The following SUGCT variants were observed in gnomAD, a reference collection of about 807,000 sequenced individuals.
SUGCT encodes succinyl-CoA:glutarate CoA-transferase.
A neutral mutation model predicts 55.0 loss-of-function variants in SUGCT; 41 were observed. The observed-to-expected ratio is 0.74, with a 90% CI of 0.58 to 0.97. The LOEUF (loss-of-function observed/expected upper bound fraction) is 0.97. SUGCT is among the 50% of genes least tolerant of loss of function. SUGCT has a pLI of 0.00. For synonymous variants in SUGCT, 187 were observed against 200.4 expected (o/e 0.93, Z 0.56); for missense variants, 568 against 547.8 (o/e 1.04, Z -0.37).
intron 12 of SUGCT, among the ~76,000 whole-genome samples, chr7:40,648,408 A>C (rs1562924687): frequency 6.6e-6 from 1 of 152,168 alleles, no homozygotes; most frequent in Non-Finnish European, 1.5e-5. Flanking sequence ...ATTGTCATAT[A>C]TTTAAATTGC....
chr7:40,993,480 C>T, the SUGCT span, among the ~76,000 whole-genome samples: 1 of 152,150 alleles, frequency 6.6e-6, no homozygotes, highest in Non-Finnish European at 1.5e-5. Flanking sequence ...GAGAGCTTCT[C>T]AGAGGGAAGA....
At chr7:40,997,378 C>T in the SUGCT span, among the ~76,000 whole-genome samples, 1 of 152,152 alleles carries the variant, frequency 6.6e-6, no homozygotes, top group African/African-American at 2.4e-5. Flanking sequence ...AGCAGCCCCG[C>T]TGTCAGCTCC....
the SUGCT span, among the ~76,000 whole-genome samples, chr7:40,933,011 C>T: frequency 1.3e-5 from 2 of 152,126 alleles, no homozygotes; most frequent in East Asian, 3.9e-4. Context: ...TTAATTGATG[C>T]AGTTTCTTCC....
At chr7:40,298,773 G>C (rs888445238) in intron 8 of SUGCT, among the ~76,000 whole-genome samples, 1 of 151,204 alleles carries the variant, frequency 6.6e-6, no homozygotes, top group Non-Finnish European at 1.5e-5. Flanking sequence ...CAAGAGTTCC[G>C]TCAAATATCT....
chr7:40,169,752 T>TA (rs980504459), intron 1 of SUGCT, among the ~76,000 whole-genome samples: 9 of 152,008 alleles, frequency 5.9e-5, no homozygotes, highest in Non-Finnish European at 8.8e-5. Flanking sequence ...TTTTTTTTTT[T>TA]ATCCCATTTG....
chr7:40,573,363 T>C (rs1465144701), intron 12 of SUGCT, among the ~76,000 whole-genome samples: 1 of 152,202 alleles, frequency 6.6e-6, no homozygotes, highest in Non-Finnish European at 1.5e-5. Context: ...TTGAATCATT[T>C]AGTATCAGGG....
chr7:40,395,186 T>C (rs1056347488), intron 9 of SUGCT, among the ~76,000 whole-genome samples: 1 of 152,112 alleles, frequency 6.6e-6, no homozygotes, highest in Non-Finnish European at 1.5e-5. Context: ...ACCTGGGAGC[T>C]AATTAGAAAT....
At chr7:40,675,083 C>T (rs1404673108) in intron 12 of SUGCT, among the ~76,000 whole-genome samples, 1 of 140,230 alleles carries the variant, frequency 7.1e-6, no homozygotes, top group African/African-American at 2.7e-5. Context: ...TTTTTTGAGA[C>T]AGAGTTTCAC....
intron 9 of SUGCT, among the ~76,000 whole-genome samples, chr7:40,340,507 T>G (rs1796985990): frequency 6.6e-6 from 1 of 152,206 alleles, no homozygotes; most frequent in African/African-American, 2.4e-5. Flanking sequence ...CTGGAAATGC[T>G]TTAAATACAT....
chr7:40,870,440 C>G, the SUGCT span, among the ~76,000 whole-genome samples: 1 of 152,146 alleles, frequency 6.6e-6, no homozygotes, highest in Non-Finnish European at 1.5e-5. Flanking sequence ...CTCTTGTAAG[C>G]AAACTTGTGG....
intron 13 of SUGCT, among the ~76,000 whole-genome samples, chr7:40,788,773 A>ATCCTCCTGGCCAGAGATTTCTGC (rs1790164442): frequency 6.6e-6 from 1 of 152,206 alleles, no homozygotes; most frequent in African/African-American, 2.4e-5. Context: ...AGGGAACATG[A>ATCCTCCTGGCCAGAGATTTCTGC]ATCTACTGCA....
chr7:40,701,658 C>T (rs1785176577), intron 12 of SUGCT, among the ~76,000 whole-genome samples: 1 of 152,224 alleles, frequency 6.6e-6, no homozygotes, highest in South Asian at 2.1e-4. Context: ...TTCCAATTCT[C>T]CTTTCTACCA....
chr7:40,440,877 A>T (rs898392013), intron 9 of SUGCT, among the ~76,000 whole-genome samples: 3 of 152,012 alleles, frequency 2.0e-5, no homozygotes, highest in African/African-American at 7.2e-5. Context: ...AGGATCTCTT[A>T]AACCTAGCAG....
In SUGCT at chr7:40,429,851, C is replaced by T. The variant is rs150548782; in HGVS notation, c.817-19436C>T. ...TTAACCATCACACATAGTACCCTCTCTTTTGTTCTGTATCTCTGTATATAA... is the reference window on the plus strand; with the variant it reads ...TTAACCATCACACATAGTACCCTCTTTTTTGTTCTGTATCTCTGTATATAA... On this transcript the variant is annotated intron_variant, in intron 9 of 13. Transcript: ENST00000335693. 5.0e-3 allele frequency among the ~76,000 whole-genome samples: 764 copies of T among 152,272 alleles called. 18 individuals carry two copies. The South Asian group carries it at 0.059, about 12-fold the overall frequency.
intron 12 of SUGCT, chr7:40,498,919 C>T (rs917111535): frequency 9.4e-5 from 35 of 371,774 alleles, no homozygotes; most frequent in Admixed American, 4.1e-4. Context: ...AAATCTATGC[C>T]AAGAAGAGAA....
chr7:40,828,584 A>G (rs1792478198), intron 13 of SUGCT, among the ~76,000 whole-genome samples: 2 of 151,962 alleles, frequency 1.3e-5, no homozygotes, highest in Non-Finnish European at 2.9e-5. Flanking sequence ...AGTAAAAAAA[A>G]AAAAAAAAAA....
chr7:40,463,104 T>C (rs1789895963), intron 11 of SUGCT, among the ~76,000 whole-genome samples: 1 of 152,256 alleles, frequency 6.6e-6, no homozygotes, highest in Admixed American at 6.5e-5. Context: ...TGTTTTTGCC[T>C]GTTGTCTTCT....
chr7:40,957,662 A>C, the SUGCT span, among the ~76,000 whole-genome samples: 1 of 151,772 alleles, frequency 6.6e-6, no homozygotes, highest in Non-Finnish European at 1.5e-5. Flanking sequence ...TAATATTGTT[A>C]TGTGTGAATT....
intron 9 of SUGCT, among the ~76,000 whole-genome samples, chr7:40,362,645 A>G (rs1267387388): frequency 2.0e-5 from 3 of 152,184 alleles, no homozygotes; most frequent in Non-Finnish European, 4.4e-5. Flanking sequence ...CAGAGAAGGA[A>G]AGTTGAAAGT....
Sources: allele counts gnomAD v4.1 joint callset (sites outside exome capture counted in the v4.1 genomes callset), GRCh38; gene constraint gnomAD v4.1.1; transcripts MANE v1.5; gene names NCBI Gene and HGNC (gene_info 2026-07-23, HGNC 2026-07-21).